NRXN1: variants seen among roughly 807,000 people sequenced by gnomAD.
NRXN1 encodes neurexin-1.
A neutral mutation model predicts 150.9 loss-of-function variants in NRXN1; 39 were observed. The observed-to-expected ratio is 0.26, with a 90% CI of 0.20 to 0.34. NRXN1 has a LOEUF of 0.34. Ranked by LOEUF, NRXN1 falls within the 10% of genes least tolerant of loss-of-function variation. The probability of loss-of-function intolerance (pLI) is 1.00; values close to 1 mark genes in which losing one functional copy is unlikely to be tolerated. For synonymous variants in NRXN1, 924 were observed against 757.0 expected, an observed-to-expected ratio of 1.22 and a Z score of -3.62; for missense variants, 1,815 against 1,949.9, an observed-to-expected ratio of 0.93 and a Z score of 1.30.
At chr2:50,660,279 T>C (rs1200502448) in intron 5 of NRXN1, among the ~76,000 whole-genome samples, 1 of 152,006 alleles carries the variant, frequency 6.6e-6, no homozygotes, top group African/African-American at 2.4e-5. Context: ...ACAGAGGTAA[T>C]AAATTGCAAG....
At chr2:50,569,019 T>C (rs1037648580) in intron 8 of NRXN1, among the ~76,000 whole-genome samples, 1 of 152,118 alleles carries the variant, frequency 6.6e-6, no homozygotes, top group Non-Finnish European at 1.5e-5. Context: ...GAGGTCATAT[T>C]GTTAAGTGAA....
chr2:50,908,008 CTT>C, intron 5 of NRXN1, among the ~76,000 whole-genome samples: 1 of 152,216 alleles, frequency 6.6e-6, no homozygotes, highest in South Asian at 2.1e-4. Flanking sequence ...CTGTAAATAA[CTT>C]ATATTACAGG....
chr2:49,981,322 T>A (rs1679949161), intron 21 of NRXN1, among the ~76,000 whole-genome samples: 1 of 150,288 alleles, frequency 6.7e-6, no homozygotes, highest in South Asian at 2.1e-4. Flanking sequence ...AAAGCACTCA[T>A]CAAAAAACCA....
intron 8 of NRXN1, among the ~76,000 whole-genome samples, chr2:50,565,630 GA>G (rs1306811420): frequency 6.6e-6 from 1 of 151,888 alleles, no homozygotes; most frequent in African/African-American, 2.4e-5. Flanking sequence ...AATAGGATGA[GA>G]AAAAACAATG....
intron 5 of NRXN1, among the ~76,000 whole-genome samples, chr2:50,840,455 T>G (rs952145425): frequency 6.6e-6 from 1 of 152,144 alleles, no homozygotes; most frequent in African/African-American, 2.4e-5. Context: ...GACGAACATC[T>G]TTATAGAGGT....
At chr2:50,482,168 T>G (rs2090522081) in intron 15 of NRXN1, among the ~76,000 whole-genome samples, 1 of 152,176 alleles carries the variant, frequency 6.6e-6, no homozygotes, top group Non-Finnish European at 1.5e-5. Context: ...AGATTTTGTT[T>G]GTATGTTTGG....
rs776028116 is a variant in NRXN1, at chr2:50,623,465, G to A, written c.983C>T (p.Ala328Val). ...TTTCAGGGCAAGATTGACATAATCA[G>A]CCGATTTCCCAGTGTGAAGCATCAG... Reference protein sequence around the residue: ...NGLMLHTGKSADYVNLALKNG... With the variant: ...NGLMLHTGKSVDYVNLALKNG... Residue 328 changes from alanine (A) to valine (V), a missense_variant, in exon 6 of 23, where the codon GCT (alanine) becomes GTT (valine). By Grantham distance (64) the Ala-to-Val change is moderately conservative (BLOSUM62 0). This residue lies in a region of NRXN1 where 554 missense variants were observed against 478.8 expected (regional missense o/e 1.16). Coordinates refer to ENST00000401669, the MANE Select transcript of NRXN1 (RefSeq NM_001330078.2). The A allele has an allele frequency of 6.2e-7, 1 of 1,613,490 alleles. No homozygotes were observed. Among genetic ancestry groups the A allele is most frequent in the Non-Finnish European group, 8.5e-7 (1 of 1,179,556 alleles).
At position 50,017,660 on chromosome 2, in the gene NRXN1, CTTTTT is replaced by C. The variant is rs143759409; in HGVS notation, c.4128+35606_4128+35610del. Among the ~76,000 whole-genome samples, 318 of 138,496 alleles carry C rather than the reference CTTTTT, an allele frequency of 2.3e-3. 2 individuals carry two copies. The highest frequency in any genetic ancestry group is 7.7e-3 in the African/African-American group (296 of 38,372). The allele number at this position is 138,496 out of a possible 152,430, so 90.9% of individuals were successfully genotyped here. On this transcript the variant is annotated intron_variant, in intron 21 of 22. Coordinates refer to ENST00000401669, the MANE Select transcript of NRXN1 (RefSeq NM_001330078.2). ...AAAAGATTTTAGAAAAAAACACAGC[CTTTTT>C]TTTTTTTTTTTTGGATTTACATTAC...
chr2:50,071,144 A>G (rs887597235), intron 19 of NRXN1, among the ~76,000 whole-genome samples: 1 of 152,250 alleles, frequency 6.6e-6, no homozygotes, highest in Non-Finnish European at 1.5e-5. Context: ...TGTCATATAC[A>G]AGAAGAAGCC....
chr2:50,190,271 AT>A (rs1209189256), intron 18 of NRXN1, among the ~76,000 whole-genome samples: 1 of 152,110 alleles, frequency 6.6e-6, no homozygotes, highest in South Asian at 2.1e-4. Context: ...CTATATATGT[AT>A]TTTTTTCTTA....
At chr2:50,051,102 T>C (rs191225138) in intron 21 of NRXN1, among the ~76,000 whole-genome samples, 1 of 152,028 alleles carries the variant, frequency 6.6e-6, no homozygotes, top group Non-Finnish European at 1.5e-5. Context: ...TAATAGCTTA[T>C]AATAAAAGAG....
At chr2:50,115,927 G>T (rs1702997605) in intron 18 of NRXN1, among the ~76,000 whole-genome samples, 1 of 152,036 alleles carries the variant, frequency 6.6e-6, no homozygotes, top group South Asian at 2.1e-4. Context: ...TTTTTCATAG[G>T]ATCAGTCTTG....
chr2:51,029,832 G>A (rs956701940), intron 1 of NRXN1, among the ~76,000 whole-genome samples: 14 of 152,130 alleles, frequency 9.2e-5, no homozygotes, highest in Non-Finnish European at 1.8e-4. Flanking sequence ...TGTCTCAATT[G>A]CCCTAATATT....
intron 3 of NRXN1, among the ~76,000 whole-genome samples, chr2:50,925,558 G>C (rs547404477): frequency 6.6e-6 from 1 of 151,776 alleles, no homozygotes. Flanking sequence ...TGCCAGAATA[G>C]AATAAGTCAT....
intron 15 of NRXN1, among the ~76,000 whole-genome samples, chr2:50,490,630 A>C (rs924861044): frequency 6.6e-6 from 1 of 152,198 alleles, no homozygotes; most frequent in African/African-American, 2.4e-5. Context: ...GAGACAGAAG[A>C]AGCCAAGATT....
chr2:50,160,737 C>G (rs559766859), intron 18 of NRXN1, among the ~76,000 whole-genome samples: 18 of 152,014 alleles, frequency 1.2e-4, no homozygotes, highest in African/African-American at 4.1e-4. Context: ...AGAAAGCCCT[C>G]GGTCAGGTTT....
At chr2:50,450,470 C>T (rs1251871692) in intron 17 of NRXN1, among the ~76,000 whole-genome samples, 1 of 151,598 alleles carries the variant, frequency 6.6e-6, no homozygotes. Context: ...TATCCTGGGT[C>T]TTGGAAATAA....
intron 9 of NRXN1, among the ~76,000 whole-genome samples, chr2:50,541,730 C>A (rs1051540544): frequency 2.4e-5 from 3 of 126,414 alleles, no homozygotes; most frequent in African/African-American, 2.9e-5. Context: ...CACTCTGAAA[C>A]AAATGTTTAA....
intron 18 of NRXN1, among the ~76,000 whole-genome samples, chr2:50,146,924 C>T (rs959887345): frequency 2.6e-5 from 4 of 151,682 alleles, no homozygotes; most frequent in African/African-American, 9.7e-5. Context: ...TTTATGCATT[C>T]TAACACTCAT....
Sources: gnomAD v4.1 joint callset for allele counts (sites outside exome capture counted in the v4.1 genomes callset) on GRCh38, gnomAD v4.1.1 for gene constraint, gnomAD v4.1.1 regional missense constraint, MANE v1.5 for transcripts, NCBI Gene and HGNC (gene_info 2026-07-23, HGNC 2026-07-21) for gene names.